Variants in IL1RAPL2 observed in about 807,000 individuals in gnomAD.
IL1RAPL2 encodes the protein X-linked interleukin-1 receptor accessory protein-like 2.
IL1RAPL2 carries 3 observed loss-of-function variants against 44.1 expected under a neutral mutation model. The ratio of observed to expected loss-of-function variants is 0.07; its 90% CI spans 0.03 to 0.18. The LOEUF is 0.18. Among genes scored for constraint, IL1RAPL2 ranks in the 10% least tolerant of loss-of-function variants. IL1RAPL2 has a pLI of 1.00. For synonymous variants in IL1RAPL2, 181 were observed against 178.8 expected (o/e 1.01, Z -0.10); for missense variants, 391 against 496.4 (o/e 0.79, Z 2.02).
intron 1 of IL1RAPL2, among the ~76,000 whole-genome samples, chrX:104,622,179 C>T (rs1602647881): frequency 1.8e-5 from 2 of 110,388 alleles, no homozygotes; most frequent in African/African-American, 6.6e-5. Flanking sequence ...GGCAGACTGC[C>T]TTGTGATATT....
intron 6 of IL1RAPL2, among the ~76,000 whole-genome samples, chrX:105,658,870 G>A (rs1172571670): frequency 1.9e-5 from 2 of 107,539 alleles, no homozygotes; most frequent in Non-Finnish European, 3.8e-5. Flanking sequence ...GCTGAGGCAG[G>A]AGAATTGCTT....
intron 2 of IL1RAPL2, among the ~76,000 whole-genome samples, chrX:104,783,064 T>A (rs1204580169): frequency 8.9e-6 from 1 of 112,064 alleles, no homozygotes; most frequent in Non-Finnish European, 1.9e-5. Context: ...TGCAAATACT[T>A]CTTTAAGGGA....
chrX:105,566,581 G>C (rs781153533), intron 6 of IL1RAPL2, among the ~76,000 whole-genome samples: 10 of 111,785 alleles, frequency 8.9e-5, no homozygotes, highest in Non-Finnish European at 1.5e-4. Flanking sequence ...CATTAAGGAC[G>C]TCTGAAAACC....
chrX:104,692,068 G>A (rs1301680082), intron 2 of IL1RAPL2, among the ~76,000 whole-genome samples: 1 of 111,607 alleles, frequency 9.0e-6, no homozygotes, highest in Non-Finnish European at 1.9e-5. Flanking sequence ...TCACTATCCT[G>A]AAGAACAATT....
chrX:105,438,579 A>G (rs769985650), intron 5 of IL1RAPL2, among the ~76,000 whole-genome samples: 24 of 110,767 alleles, frequency 2.2e-4, no homozygotes, highest in Non-Finnish European at 3.8e-4. Flanking sequence ...TGTGCCCATA[A>G]TTTAGACTAA....
At chrX:104,930,023 A>G (rs991592468) in intron 2 of IL1RAPL2, among the ~76,000 whole-genome samples, 1 of 111,656 alleles carries the variant, frequency 9.0e-6, no homozygotes, top group Non-Finnish European at 1.9e-5. Flanking sequence ...CTTTTTCGAC[A>G]TTAACTCCAA....
At chrX:104,638,269 A>G (rs1029992822) in intron 1 of IL1RAPL2, among the ~76,000 whole-genome samples, 1 of 110,635 alleles carries the variant, frequency 9.0e-6, no homozygotes, top group Admixed American at 9.6e-5. Flanking sequence ...TGGTTAGTCC[A>G]GCTAGTGGCT....
intron 4 of IL1RAPL2, among the ~76,000 whole-genome samples, chrX:105,251,597 T>G (rs1453362104): frequency 9.3e-6 from 1 of 107,464 alleles, no homozygotes; most frequent in African/African-American, 3.4e-5. Flanking sequence ...TTTTTTTAAC[T>G]GTTTGTAAAT....
chrX:105,334,956 A>C (rs1270643719), intron 5 of IL1RAPL2, among the ~76,000 whole-genome samples: 1 of 111,539 alleles, frequency 9.0e-6, no homozygotes, highest in African/African-American at 3.3e-5. Flanking sequence ...TTTAAAGGAA[A>C]GTATTGGCAT....
At chrX:104,729,492 A>G (rs1009159020) in intron 2 of IL1RAPL2, among the ~76,000 whole-genome samples, 1 of 86,846 alleles carries the variant, frequency 1.2e-5, no homozygotes, top group Non-Finnish European at 2.2e-5. Context: ...CAAGCTAAGA[A>G]TGGATTTTAC....
At chrX:105,034,293 A>G (rs1248920171) in intron 2 of IL1RAPL2, among the ~76,000 whole-genome samples, 2 of 111,669 alleles carry the variant, frequency 1.8e-5, no homozygotes, top group African/African-American at 3.3e-5. Flanking sequence ...GGAGGAGGAG[A>G]GGTGCTCTGC....
intron 6 of IL1RAPL2, among the ~76,000 whole-genome samples, chrX:105,544,799 T>G (rs1233514008): frequency 1.8e-5 from 2 of 111,472 alleles, no homozygotes; most frequent in Non-Finnish European, 3.8e-5. Context: ...TTGTTTCTGT[T>G]TCCCTTCACT....
intron 2 of IL1RAPL2, among the ~76,000 whole-genome samples, chrX:105,076,879 T>C (rs2032314004): frequency 9.0e-6 from 1 of 111,243 alleles, no homozygotes; most frequent in Non-Finnish European, 1.9e-5. Flanking sequence ...TGCCTTTTTT[T>C]GTTTTCCATT....
At chrX:105,643,995 G>A (rs994079379) in intron 6 of IL1RAPL2, among the ~76,000 whole-genome samples, 5 of 111,386 alleles carry the variant, frequency 4.5e-5, no homozygotes, top group East Asian at 2.8e-4. Context: ...AGGTTCAAGC[G>A]ATTCTCATGC....
At chrX:105,558,205 C>A (rs945917580) in intron 6 of IL1RAPL2, among the ~76,000 whole-genome samples, 3 of 111,423 alleles carry the variant, frequency 2.7e-5, no homozygotes, top group Non-Finnish European at 5.7e-5. Context: ...AGTAATGTGA[C>A]TTTTTGTGTC....
chrX:105,596,581 G>T (rs1208140481), intron 6 of IL1RAPL2, among the ~76,000 whole-genome samples: 2 of 111,712 alleles, frequency 1.8e-5, no homozygotes, highest in African/African-American at 6.5e-5. Flanking sequence ...CCTAAAATGT[G>T]ATCTGTTCTG....
At chrX:105,308,559 G>A (rs1210818888) in intron 5 of IL1RAPL2, among the ~76,000 whole-genome samples, 1 of 111,580 alleles carries the variant, frequency 9.0e-6, no homozygotes, top group Non-Finnish European at 1.9e-5. Flanking sequence ...TTTTCCCCAC[G>A]GATTGTTTTT....
At position 105,503,664 on chromosome X, in the gene IL1RAPL2, G is replaced by A. The variant is rs137908179; in HGVS notation, c.772+19277G>A. 3.5e-3 allele frequency among the ~76,000 whole-genome samples: 390 copies of A among 111,741 alleles called. 1 individual carries two copies. Among genetic ancestry groups the A allele is most frequent in the African/African-American group, 0.012 (362 of 30,806 alleles). On this transcript the variant is annotated intron_variant, in intron 6 of 10. Coordinates refer to ENST00000372582, the MANE Select transcript of IL1RAPL2 (RefSeq NM_017416.2). ...TGTAACAAAGTGCCACAAATGGGTA[G>A]CTTAAAACAAATTTATTGTATCACT... is the stretch of plus-strand genomic sequence containing the variant.
chrX:105,240,335 G>C (rs1256814097), intron 4 of IL1RAPL2, among the ~76,000 whole-genome samples: 1 of 112,544 alleles, frequency 8.9e-6, no homozygotes, highest in African/African-American at 3.2e-5. Flanking sequence ...AGACCATGGA[G>C]TTCATTCAAA....
Sources: gnomAD v4.1 joint callset for allele counts (sites outside exome capture counted in the v4.1 genomes callset) on GRCh38, gnomAD v4.1.1 for gene constraint, MANE v1.5 for transcripts, NCBI Gene and HGNC (gene_info 2026-07-23, HGNC 2026-07-21) for gene names.